CAMKMT: variants seen among roughly 807,000 people sequenced by gnomAD.
The protein encoded by CAMKMT is CaM KMT.
Under a neutral mutation model 48.0 loss-of-function variants are expected in CAMKMT, and 53 were observed. That is an observed-to-expected ratio of 1.10 (90% CI 0.89 to 1.39). The LOEUF (loss-of-function observed/expected upper bound fraction) is 1.39, where lower values mean the gene tolerates loss of function less well. Ranked by LOEUF, CAMKMT falls within the 40% of genes most tolerant of loss-of-function variation. CAMKMT has a pLI of 0.00. For synonymous variants in CAMKMT, 165 were observed against 152.3 expected (o/e 1.08, Z -0.61); for missense variants, 428 against 402.7 (o/e 1.06, Z -0.54).
intron 2 of CAMKMT, among the ~76,000 whole-genome samples, chr2:44,389,249 T>A (rs1220043432): frequency 6.6e-6 from 1 of 152,078 alleles, no homozygotes; most frequent in Non-Finnish European, 1.5e-5. Flanking sequence ...CCAGTCACAT[T>A]GCATTAGGGC....
intron 1 of CAMKMT, among the ~76,000 whole-genome samples, chr2:44,369,506 G>C (rs1318207962): frequency 6.6e-6 from 1 of 152,124 alleles, no homozygotes; most frequent in Non-Finnish European, 1.5e-5. Flanking sequence ...AATCACTGGA[G>C]AAACAGTCTA....
chr2:44,700,832 G>A (rs139540248), intron 3 of CAMKMT, among the ~76,000 whole-genome samples: 121 of 152,176 alleles, frequency 8.0e-4, no homozygotes, highest in African/African-American at 2.7e-3. Context: ...GGACTTGCTC[G>A]GTGCAGGGTT....
At chr2:44,491,431 C>G (rs1043999012) in intron 3 of CAMKMT, among the ~76,000 whole-genome samples, 2 of 152,132 alleles carry the variant, frequency 1.3e-5, no homozygotes, top group South Asian at 4.1e-4. Flanking sequence ...TAGACCACTC[C>G]TACCATGCCG....
intron 3 of CAMKMT, among the ~76,000 whole-genome samples, chr2:44,621,028 G>T (rs763152636): frequency 2.0e-5 from 3 of 152,194 alleles, no homozygotes; most frequent in Non-Finnish European, 4.4e-5. Context: ...CAGCACTTTG[G>T]GAGGCCGAGG....
At chr2:44,399,747 A>G (rs950939224) in intron 3 of CAMKMT, among the ~76,000 whole-genome samples, 2 of 152,056 alleles carry the variant, frequency 1.3e-5, no homozygotes, top group African/African-American at 4.8e-5. Context: ...ACGGCTGTCA[A>G]TGTAGGATTT....
In CAMKMT at chr2:44,494,490, C is replaced by G. The variant is rs112195367; in HGVS notation, c.376+104185C>G. Among the ~76,000 whole-genome samples the G allele has an allele frequency of 7.9e-3, 1,208 of 152,154 alleles. 15 individuals carry two copies. The highest frequency in any genetic ancestry group is 0.028 in the African/African-American group (1,152 of 41,510). ...TTTGATCCAAATTTTAAAACTGTTGCTAAGGGATAATGGTCATGCAGAATG... is the reference window on the plus strand; with the variant it reads ...TTTGATCCAAATTTTAAAACTGTTGGTAAGGGATAATGGTCATGCAGAATG... On this transcript the variant is annotated intron_variant, in intron 3 of 10. Coordinates refer to ENST00000378494, the MANE Select transcript of CAMKMT (RefSeq NM_024766.5).
intron 3 of CAMKMT, among the ~76,000 whole-genome samples, chr2:44,410,420 G>C (rs1683124684): frequency 6.7e-6 from 1 of 149,618 alleles, no homozygotes; most frequent in Non-Finnish European, 1.5e-5. Context: ...ACCTCGCCCA[G>C]CTAATTTTTT....
At chr2:44,377,033 G>T (rs546746963) in intron 2 of CAMKMT, among the ~76,000 whole-genome samples, 7 of 152,048 alleles carry the variant, frequency 4.6e-5, no homozygotes, top group African/African-American at 1.7e-4. Context: ...TTTTGAGACG[G>T]TCTCACTCTG....
rs1669402911 is a variant in CAMKMT, at chr2:44,489,919, T to C, written c.376+99614T>C. Among the ~76,000 whole-genome samples the C allele has an allele frequency of 3.3e-5, 5 of 152,118 alleles. No homozygotes were observed. In the South Asian group the frequency reaches 1.0e-3, roughly 32 times the overall value. On this transcript the variant is annotated intron_variant, in intron 3 of 10. Coordinates refer to ENST00000378494, the MANE Select transcript of CAMKMT (RefSeq NM_024766.5). The stretch of plus-strand genomic sequence containing the variant: ...GAAAGGTTCACTTGAAGCCCAAACC[T>C]CAGTATTATGCAATATACCCATGTA...
intron 3 of CAMKMT, among the ~76,000 whole-genome samples, chr2:44,505,989 C>G (rs1318144395): frequency 6.6e-6 from 1 of 151,984 alleles, no homozygotes; most frequent in Non-Finnish European, 1.5e-5. Context: ...AGCTCAGCCT[C>G]CCAAGTAGCT....
intron 3 of CAMKMT, among the ~76,000 whole-genome samples, chr2:44,590,601 GTTGT>G (rs1456677136): frequency 6.6e-5 from 10 of 152,240 alleles, no homozygotes; most frequent in Non-Finnish European, 8.8e-5. Flanking sequence ...TTTTGATGGG[GTTGT>G]TTGTTTTTTT....
At chr2:44,528,384 C>A (rs1272236770) in intron 3 of CAMKMT, among the ~76,000 whole-genome samples, 4 of 152,174 alleles carry the variant, frequency 2.6e-5, no homozygotes, top group African/African-American at 9.6e-5. Flanking sequence ...ATCCATTCCC[C>A]AGTTACCAAC....
chr2:44,486,474 A>T (rs1669223455), intron 3 of CAMKMT, among the ~76,000 whole-genome samples: 2 of 152,206 alleles, frequency 1.3e-5, no homozygotes, highest in Admixed American at 1.3e-4. Flanking sequence ...AAGCTCTGGA[A>T]GCTTTTTCTG....
chr2:44,497,473 G>T (rs1669801848), intron 3 of CAMKMT, among the ~76,000 whole-genome samples: 1 of 151,822 alleles, frequency 6.6e-6, no homozygotes, highest in Admixed American at 6.6e-5. Context: ...TTTATGTAGG[G>T]ATAACAGATA....
At chr2:44,475,771 C>A (rs1668657632) in intron 3 of CAMKMT, among the ~76,000 whole-genome samples, 1 of 152,148 alleles carries the variant, frequency 6.6e-6, no homozygotes, top group South Asian at 2.1e-4. Context: ...TATGCATGAT[C>A]TCATTTCAGT....
At chr2:44,624,702 C>T (rs58761794) in intron 3 of CAMKMT, among the ~76,000 whole-genome samples, 1 of 152,136 alleles carries the variant, frequency 6.6e-6, no homozygotes, top group Non-Finnish European at 1.5e-5. Context: ...ATATGTGCCA[C>T]ATTTTCTTAA....
At chr2:44,416,390 A>G (rs1683552456) in intron 3 of CAMKMT, among the ~76,000 whole-genome samples, 1 of 152,068 alleles carries the variant, frequency 6.6e-6, no homozygotes, top group African/African-American at 2.4e-5. Flanking sequence ...TAACCTATGG[A>G]ACATTTCTAT....
chr2:44,700,591 T>A (rs1677202261), intron 3 of CAMKMT, among the ~76,000 whole-genome samples: 1 of 152,110 alleles, frequency 6.6e-6, no homozygotes, highest in South Asian at 2.1e-4. Flanking sequence ...TGCCGACTGG[T>A]GGAGAAGTCA....
chr2:44,743,781 A>G lies in CAMKMT; in HGVS notation c.698+85A>G, dbSNP rs926236325. Reference sequence around the variant, plus strand: ...GGGCTGTGTTGCTTAGCTGACGGCTAAGCAAAGTCAACAAATGAAGCACAA... The same window carrying G: ...GGGCTGTGTTGCTTAGCTGACGGCTGAGCAAAGTCAACAAATGAAGCACAA... On this transcript the variant is annotated intron_variant, in intron 8 of 10. Transcript: ENST00000378494. 3 of 954,886 alleles carry G rather than the reference A, an allele frequency of 3.1e-6. No individual in the cohort carries two copies. In the African/African-American group the frequency reaches 4.9e-5, roughly 16 times the overall value. The allele number at this position is 954,886 out of a possible 1,614,324, so 59.2% of individuals were successfully genotyped here. A position where few individuals can be genotyped will look rare whatever the true frequency, so the allele number is the denominator to read the frequency against.
Sources: gnomAD v4.1 joint callset for allele counts (sites outside exome capture counted in the v4.1 genomes callset) on GRCh38, gnomAD v4.1.1 for gene constraint, MANE v1.5 for transcripts, NCBI Gene and HGNC (gene_info 2026-07-23, HGNC 2026-07-21) for gene names.